POTEC: variants seen among roughly 807,000 people sequenced by gnomAD.
The protein encoded by POTEC is ANKRD26-like family B member 2.
In POTEC, 35 loss-of-function variants were observed where a neutral mutation model predicts 62.0. That is an observed-to-expected ratio of 0.56 (90% CI 0.43 to 0.75). The LOEUF (loss-of-function observed/expected upper bound fraction) is 0.75, where lower values mean the gene tolerates loss of function less well. Among genes scored for constraint, POTEC ranks in the 30% least tolerant of loss-of-function variants. The pLI is 0.00. For synonymous variants in POTEC, 156 were observed against 221.5 expected (o/e 0.70, Z 2.62); for missense variants, 472 against 655.9 (o/e 0.72, Z 3.06).
rs1233589888 is a variant in POTEC at position 14,529,073 on chromosome 18, C to A, written c.1126+1410G>T. 8.8e-6 allele frequency: 4 copies of A among 453,350 alleles called. No homozygotes were observed. The East Asian group carries it at 2.8e-4, about 32-fold the overall frequency. The allele number at this position is 453,350 out of a possible 1,614,324, so 28.1% of individuals were successfully genotyped here. On this transcript the variant is annotated intron_variant, in intron 6 of 10. Transcript: ENST00000358970. ...AGAAAAATTCTTCTCACTCTGCATG[C>A]TTACCTTGAATCATACCTACTTTTT... is the stretch of plus-strand genomic sequence containing the variant.
At chr18:14,512,617 T>C (rs984920663) in intron 10 of POTEC, among the ~76,000 whole-genome samples, 4 of 152,156 alleles carry the variant, frequency 2.6e-5, no homozygotes, top group African/African-American at 9.7e-5. Flanking sequence ...GGTCAAAAAA[T>C]ATATGCAGCC....
chr18:14,542,976 G>C lies in POTEC; in HGVS notation c.171C>G (p.Leu57=), dbSNP rs769834036. The part of the protein sequence containing the change: ...GDHDDSFMKM[L]RSKMGKCCHH... ...GGCAACACTTGCCCATCTTGCTCCT[G>C]AGCATCTTCATAAAGGAGTCGTCGT... is the stretch of plus-strand genomic sequence containing the variant. The change falls in exon 1 of 11, where the codon CTC becomes CTG. Residue 57 remains leucine, a synonymous_variant. Transcript: ENST00000358970. 6.4e-7 allele frequency: 1 copy of C among 1,572,990 alleles called. No individual in the cohort carries two copies. The highest frequency in any genetic ancestry group is 1.2e-5 in the South Asian group (1 of 85,710).
At chr18:14,525,899 CTTTT>C (rs200881981) in intron 6 of POTEC, among the ~76,000 whole-genome samples, 3 of 151,568 alleles carry the variant, frequency 2.0e-5, no homozygotes, top group African/African-American at 7.3e-5. Context: ...ATTCATTTTT[CTTTT>C]TTTTTGTTTT....
At chr18:14,535,763 C>T (rs1021485444) in intron 3 of POTEC, among the ~76,000 whole-genome samples, 6 of 151,930 alleles carry the variant, frequency 3.9e-5, no homozygotes, top group Admixed American at 2.0e-4. Flanking sequence ...CTCTTAAAAA[C>T]GACTTACTGA....
intron 1 of POTEC, among the ~76,000 whole-genome samples, chr18:14,541,503 T>A (rs1391804202): frequency 6.6e-6 from 1 of 152,054 alleles, no homozygotes; most frequent in Non-Finnish European, 1.5e-5. Context: ...TAGCCAGGCA[T>A]GGTGGTGGGT....
At position 14,542,347 on chromosome 18, in the gene POTEC, T is replaced by C. The variant is rs565723558; in HGVS notation, c.521+279A>G. ...TGTTTTAAAATGTGTACATTAAAAA[T>C]AATCTGCTGCATTGACTTAATTTTG... is the stretch of plus-strand genomic sequence containing the variant. On this transcript the variant is annotated intron_variant, in intron 1 of 10. Transcript: ENST00000358970. Among the ~76,000 whole-genome samples, 5 of 152,332 alleles carry C rather than the reference T, an allele frequency of 3.3e-5. No homozygotes were observed. The East Asian group carries it at 9.7e-4, about 29-fold the overall frequency.
In POTEC at chr18:14,510,680, A is replaced by C. The variant is rs1303776807; in HGVS notation, c.*1218T>G. The C allele has an allele frequency of 2.6e-5, 4 of 152,204 alleles. No homozygotes were observed. Among genetic ancestry groups the C allele is most frequent in the Admixed American group, 6.5e-5 (1 of 15,276 alleles). 9.4% of individuals were successfully genotyped at this position (152,204 alleles called of 1,614,324 possible). ...CTGTTGCCAATCTCAACACACCTGTAGGATGTGACTGGAAGCAAGTTGAGA... is the reference window on the plus strand; with the variant it reads ...CTGTTGCCAATCTCAACACACCTGTCGGATGTGACTGGAAGCAAGTTGAGA... On this transcript the variant is annotated 3_prime_UTR_variant, in exon 11 of 11. Coordinates refer to ENST00000358970, the MANE Select transcript of POTEC (RefSeq NM_001137671.2).
intron 5 of POTEC, 99 bp downstream of exon 5, chr18:14,532,962 A>G (rs1905573826): frequency 6.3e-7 from 1 of 1,593,274 alleles, no homozygotes; most frequent in African/African-American, 1.3e-5. Flanking sequence ...AACTACCTGA[A>G]CCAAACTATG....
intron 6 of POTEC, among the ~76,000 whole-genome samples, chr18:14,525,899 C>G (rs968042457): frequency 5.9e-5 from 9 of 151,568 alleles, no homozygotes; most frequent in Non-Finnish European, 1.3e-4. Context: ...ATTCATTTTT[C>G]TTTTTTTTTG....
At chr18:14,514,235 C>A (rs1455939119) in intron 9 of POTEC, among the ~76,000 whole-genome samples, 2 of 151,944 alleles carry the variant, frequency 1.3e-5, no homozygotes, top group Admixed American at 1.3e-4. Flanking sequence ...CATGCATGAG[C>A]AGCTTGCAAT....
intron 3 of POTEC, among the ~76,000 whole-genome samples, chr18:14,537,202 CACACACACAAAAA>C (rs1357324616): frequency 1.5e-4 from 12 of 82,552 alleles, no homozygotes; most frequent in African/African-American, 7.6e-4. Context: ...CACACACACA[CACACACACAAAAA>C]AAAAAAAAAA....
At chr18:14,518,377 G>A (rs11080771) in intron 9 of POTEC, among the ~76,000 whole-genome samples, 131,541 of 150,548 alleles carry the variant, frequency 0.87, 57,853 homozygotes, top group Non-Finnish European at 0.92. Flanking sequence ...GATGGTCAGA[G>A]AAGTCCCTGC....
intron 7 of POTEC, among the ~76,000 whole-genome samples, chr18:14,524,382 A>G (rs1021185509): frequency 8.5e-5 from 13 of 152,294 alleles, no homozygotes; most frequent in Admixed American, 3.9e-4. Flanking sequence ...GTGACTGACA[A>G]TATAAAACTG....
At position 14,507,822 on chromosome 18, in the gene POTEC, C is replaced by G. The variant is rs1909886871; in HGVS notation, c.*4076G>C. ...TGCTTGTCTGAAAACGATCTTGTTT[C>G]TCCTTCACTTATGATGCTTAATTTT... On this transcript the variant is annotated 3_prime_UTR_variant, in exon 11 of 11. Transcript: ENST00000358970. The G allele has an allele frequency of 3.3e-5, 5 of 152,176 alleles. No homozygotes were observed. Among genetic ancestry groups the G allele is most frequent in the Admixed American group, 3.3e-4 (5 of 15,274 alleles). 9.4% of individuals were successfully genotyped at this position (152,176 alleles called of 1,614,324 possible).
At chr18:14,512,439 A>G (rs1910033956) in intron 10 of POTEC, among the ~76,000 whole-genome samples, 1 of 152,218 alleles carries the variant, frequency 6.6e-6, no homozygotes, top group Non-Finnish European at 1.5e-5. Flanking sequence ...ATGTTTTATC[A>G]ATATACTGCT....
intron 9 of POTEC, among the ~76,000 whole-genome samples, chr18:14,515,003 T>G (rs185758148): frequency 6.6e-6 from 1 of 152,116 alleles, no homozygotes; most frequent in East Asian, 1.9e-4. Context: ...ATGAAGGAGG[T>G]GAGTCATCTA....
chr18:14,542,446 C>G (rs1905968847), intron 1 of POTEC, among the ~76,000 whole-genome samples, 180 bp downstream of exon 1: 1 of 152,122 alleles, frequency 6.6e-6, no homozygotes, highest in South Asian at 2.1e-4. Context: ...AATCAGCTAA[C>G]ATTTTTTGTG....
intron 6 of POTEC, among the ~76,000 whole-genome samples, chr18:14,530,257 G>T (rs1421596901): frequency 6.6e-6 from 1 of 151,828 alleles, no homozygotes; most frequent in Non-Finnish European, 1.5e-5. Context: ...TAAGCTCAGA[G>T]TTTCCACGGA....
At position 14,542,914 on chromosome 18, in the gene POTEC, C is replaced by T. The variant is rs781454324; in HGVS notation, c.233G>A (p.Ser78Asn). 15 of 1,278,192 alleles carry T rather than the reference C, an allele frequency of 1.2e-5. No individual in the cohort carries two copies. The highest frequency in any genetic ancestry group is 1.4e-5 in the Non-Finnish European group (13 of 928,900). 79.2% of individuals were successfully genotyped at this position (1,278,192 alleles called of 1,614,324 possible). ...CFPCCRGSGT[S>N]NVGTSGDHDN... ...ATGGTCTCCAGAAGTGCCCACGTTGCTCGTGCCGCTCCCCCTGCAGCAGGG... is the reference window on the plus strand; with the variant it reads ...ATGGTCTCCAGAAGTGCCCACGTTGTTCGTGCCGCTCCCCCTGCAGCAGGG... The change falls in exon 1 of 11, where the codon AGC (serine) becomes AAC (asparagine). Residue 78 changes from serine (S) to asparagine (N), a missense_variant. Ser to Asn is a conservative substitution (Grantham distance 46). Coordinates refer to ENST00000358970, the MANE Select transcript of POTEC (RefSeq NM_001137671.2).
Sources: gnomAD v4.1 joint callset for allele counts (sites outside exome capture counted in the v4.1 genomes callset) on GRCh38, gnomAD v4.1.1 for gene constraint, MANE v1.5 for transcripts, NCBI Gene and HGNC (gene_info 2026-07-23, HGNC 2026-07-21) for gene names.